Variants in SANBR observed in about 807,000 individuals in gnomAD.
SANBR encodes the protein SANT and BTB domain regulator of CSR, also known as SANT and BTB domain regulator of class switch recombination.
A neutral mutation model predicts 101.8 loss-of-function variants in SANBR; 77 were observed. The ratio of observed to expected loss-of-function variants is 0.76; its 90% CI spans 0.63 to 0.91. The LOEUF (loss-of-function observed/expected upper bound fraction) is 0.91, where lower values mean the gene tolerates loss of function less well. Ranked by LOEUF, SANBR falls within the 40% of genes least tolerant of loss-of-function variation. The pLI, the probability that SANBR is intolerant of heterozygous loss-of-function variation, is 0.00. For synonymous variants in SANBR, 279 were observed against 274.7 expected, an observed-to-expected ratio of 1.02 and a Z score of -0.15; for missense variants, 875 against 853.0, an observed-to-expected ratio of 1.03 and a Z score of -0.32.
At chr2:61,078,635 T>A (rs184540751) in intron 6 of SANBR, among the ~76,000 whole-genome samples, 2 of 151,458 alleles carry the variant, frequency 1.3e-5, no homozygotes, top group Admixed American at 1.3e-4. Context: ...TTTGTCAGGC[T>A]GGTCTCGAAC....
chr2:61,129,375 C>T (rs1406836469), intron 20 of SANBR, among the ~76,000 whole-genome samples: 1 of 150,920 alleles, frequency 6.6e-6, no homozygotes, highest in Non-Finnish European at 1.5e-5. Flanking sequence ...ACCTGGAAGG[C>T]AGAGGTTGCC....
intron 20 of SANBR, among the ~76,000 whole-genome samples, chr2:61,120,619 T>A (rs567971664): frequency 6.6e-6 from 1 of 152,166 alleles, no homozygotes; most frequent in South Asian, 2.1e-4. Context: ...AGGTCTCAGC[T>A]CCTCTGGAGG....
At position 61,081,954 on chromosome 2, in the gene SANBR, A is replaced by G. The variant is rs568462451; in HGVS notation, c.729+444A>G. Among the ~76,000 whole-genome samples, 52 of 151,064 alleles carry G rather than the reference A, an allele frequency of 3.4e-4. 1 individual carries two copies. The highest frequency in any genetic ancestry group is 1.9e-3 in the Admixed American group (29 of 15,142). The stretch of plus-strand genomic sequence containing the variant: ...GTGAGCCACCGCACCCAGCCAGAAT[A>G]CTCCTTTTCTATGTTAGCAAATGTG... On this transcript the variant is annotated intron_variant, in intron 7 of 21. Coordinates refer to ENST00000402291, the MANE Select transcript of SANBR (RefSeq NM_001129993.3).
rs139899072 is a variant in SANBR, at chr2:61,106,498, G to T, written c.1512-65G>T. 5.0e-3 allele frequency: 5,123 copies of T among 1,034,492 alleles called. 261 individuals carry two copies. In the Admixed American group the frequency reaches 0.1, roughly 20 times the overall value. 64.1% of individuals were successfully genotyped at this position (1,034,492 alleles called of 1,614,324 possible). ...ATTTTTGAAACATTTGTAATAAAAA[G>T]ATATTCACATTTAAATTTTTAAGAA... On this transcript the variant is annotated intron_variant, in intron 13 of 21. Transcript: ENST00000402291.
intron 6 of SANBR, among the ~76,000 whole-genome samples, chr2:61,078,604 T>G (rs1463582152): frequency 1.3e-5 from 2 of 152,106 alleles, no homozygotes; most frequent in Admixed American, 6.5e-5. Context: ...GTATTTTTAG[T>G]AGAGACAGGG....
rs369326650 is a variant in SANBR at position 61,111,590 on chromosome 2, A to G, written c.1744+2294A>G. ...ATTGAGGTATAAGTTATATGTTACA[A>G]AATTCACCCATTTTAAGTGTACATG... On this transcript the variant is annotated intron_variant, in intron 16 of 21. Transcript: ENST00000402291. Among the ~76,000 whole-genome samples the G allele has an allele frequency of 5.9e-5, 9 of 152,370 alleles. No homozygotes were observed. In the East Asian group the frequency reaches 9.6e-4, roughly 16 times the overall value.
At chr2:61,069,460 C>T (rs1251910968) in intron 2 of SANBR, among the ~76,000 whole-genome samples, 3 of 152,168 alleles carry the variant, frequency 2.0e-5, no homozygotes, top group Non-Finnish European at 4.4e-5. Flanking sequence ...GCTGCCTTTT[C>T]CATTGTACTG....
intron 20 of SANBR, among the ~76,000 whole-genome samples, chr2:61,120,372 G>GT (rs1559144880): frequency 1.3e-5 from 2 of 152,008 alleles, no homozygotes; most frequent in Non-Finnish European, 2.9e-5. Flanking sequence ...TGGTGGTGCA[G>GT]GCCTGTAATC....
chr2:61,071,280 G>T (rs932321139), intron 3 of SANBR, among the ~76,000 whole-genome samples: 2 of 151,936 alleles, frequency 1.3e-5, no homozygotes, highest in Admixed American at 1.3e-4. Flanking sequence ...GCTGGGCATG[G>T]TGGCTCACGC....
chr2:61,087,715 G>T (rs976159170), intron 8 of SANBR, among the ~76,000 whole-genome samples: 4 of 151,962 alleles, frequency 2.6e-5, no homozygotes, highest in African/African-American at 9.7e-5. Context: ...GCTGGGCATG[G>T]TCATGCACAC....
At chr2:61,127,602 A>C (rs911971780), downstream of SANBR, among the ~76,000 whole-genome samples, 1 of 152,226 alleles carries the variant, frequency 6.6e-6, no homozygotes, top group Non-Finnish European at 1.5e-5. Flanking sequence ...TAAGCTCACC[A>C]AAGTGATTAG....
At chr2:61,086,963 A>T (rs1038194444) in intron 8 of SANBR, among the ~76,000 whole-genome samples, 2 of 152,204 alleles carry the variant, frequency 1.3e-5, no homozygotes, top group African/African-American at 4.8e-5. Flanking sequence ...ACAAGGAAAG[A>T]TGGAGACAGG....
At chr2:61,067,492 C>T (rs1681237440) in intron 1 of SANBR, among the ~76,000 whole-genome samples, 2 of 152,302 alleles carry the variant, frequency 1.3e-5, no homozygotes, top group South Asian at 4.1e-4. Context: ...AATCCCAGCA[C>T]TTTGGGAGGC....
At position 61,077,488 on chromosome 2, in the gene SANBR, T is replaced by C. The variant is rs961976303; in HGVS notation, c.670+330T>C. Among the ~76,000 whole-genome samples, 4 of 151,966 alleles carry C rather than the reference T, an allele frequency of 2.6e-5. No individual in the cohort carries two copies. The East Asian group carries it at 7.7e-4, about 29-fold the overall frequency. On this transcript the variant is annotated intron_variant, in intron 6 of 21. Coordinates refer to ENST00000402291, the MANE Select transcript of SANBR (RefSeq NM_001129993.3). ...TGACTTTCTCACTGTGTTGCTCAGA[T>C]GGTACAAAAGCAATAGTGGGTAAAA...
At chr2:61,111,001 A>G (rs190163217) in intron 16 of SANBR, among the ~76,000 whole-genome samples, 131 of 152,332 alleles carry the variant, frequency 8.6e-4, no homozygotes, top group Middle Eastern at 6.8e-3. Context: ...TGTAACTTTC[A>G]GATGCCATCA....
intron 10 of SANBR, among the ~76,000 whole-genome samples, chr2:61,090,250 A>T (rs1306611003): frequency 6.6e-6 from 1 of 152,190 alleles, no homozygotes; most frequent in Non-Finnish European, 1.5e-5. Flanking sequence ...AGTATTACAG[A>T]TGATTTTAAT....
intron 2 of SANBR, among the ~76,000 whole-genome samples, chr2:61,069,269 A>G (rs1045780720): frequency 6.6e-6 from 1 of 152,216 alleles, no homozygotes. Flanking sequence ...CATTTGTGAG[A>G]TACTTATATC....
intron 13 of SANBR, among the ~76,000 whole-genome samples, chr2:61,104,998 C>A (rs1434160299): frequency 6.6e-6 from 1 of 151,220 alleles, no homozygotes. Flanking sequence ...TGAGTTTGAA[C>A]TCCTCGAATT....
intron 7 of SANBR, among the ~76,000 whole-genome samples, 158 bp downstream of exon 7, chr2:61,081,668 A>G (rs1342741646): frequency 2.0e-5 from 3 of 152,162 alleles, no homozygotes; most frequent in Non-Finnish European, 4.4e-5. Flanking sequence ...CTTTTTCTTG[A>G]GACAGAGTCT....
Sources: allele counts gnomAD v4.1 joint callset (sites outside exome capture counted in the v4.1 genomes callset), GRCh38; gene constraint gnomAD v4.1.1; transcripts MANE v1.5; gene names NCBI Gene and HGNC (gene_info 2026-07-23, HGNC 2026-07-21).